Variants in DLG2 observed in about 807,000 individuals in gnomAD.
The protein encoded by DLG2 is disks large homolog 2.
DLG2 carries 45 observed loss-of-function variants against 132.5 expected under a neutral mutation model. That is an observed-to-expected ratio of 0.34 (90% CI 0.27 to 0.44). DLG2 has a LOEUF of 0.44. DLG2 is among the 20% of genes least tolerant of loss of function. The probability of loss-of-function intolerance (pLI) is 1.00; values close to 1 mark genes in which losing one functional copy is unlikely to be tolerated. For missense variants in DLG2, 1,045 were observed against 1,196.9 expected (o/e 0.87, Z 1.87); for synonymous variants, 424 against 419.6 (o/e 1.01, Z -0.13).
intron 18 of DLG2, among the ~76,000 whole-genome samples, chr11:83,691,780 G>A (rs1300566029): frequency 6.6e-6 from 1 of 152,132 alleles, no homozygotes; most frequent in Non-Finnish European, 1.5e-5. Context: ...CCACTCCTGG[G>A]TTGTAACGTG....
intron 14 of DLG2, among the ~76,000 whole-genome samples, chr11:83,931,755 C>A (rs573422328): frequency 6.6e-6 from 1 of 152,104 alleles, no homozygotes. Flanking sequence ...TCGTTTGATT[C>A]ACATATTTAA....
intron 9 of DLG2, among the ~76,000 whole-genome samples, chr11:84,159,602 T>A (rs1293934947): frequency 6.6e-6 from 1 of 152,140 alleles, no homozygotes; most frequent in Non-Finnish European, 1.5e-5. Context: ...GAGGAGCAGG[T>A]GTCACATTAC....
chr11:84,271,369 C>A (rs1428250003), intron 7 of DLG2, among the ~76,000 whole-genome samples: 1 of 151,980 alleles, frequency 6.6e-6, no homozygotes, highest in Non-Finnish European at 1.5e-5. Context: ...ACAGAGTAGC[C>A]CACGAATTAT....
chr11:83,558,906 C>G (rs1314641589), intron 19 of DLG2, among the ~76,000 whole-genome samples: 1 of 146,292 alleles, frequency 6.8e-6, no homozygotes, highest in African/African-American at 2.5e-5. Flanking sequence ...AAATCTGGCC[C>G]CCTCCATCAA....
chr11:85,620,684 T>C (rs1832760331), intron 2 of DLG2, among the ~76,000 whole-genome samples: 1 of 152,140 alleles, frequency 6.6e-6, no homozygotes, highest in Non-Finnish European at 1.5e-5. Context: ...CAAAGTCTAA[T>C]CCAGAGCAAG....
At chr11:84,585,019 A>G (rs2099526290) in intron 6 of DLG2, among the ~76,000 whole-genome samples, 1 of 152,104 alleles carries the variant, frequency 6.6e-6, no homozygotes, top group Admixed American at 6.5e-5. Flanking sequence ...TGAGTTCAAC[A>G]TCTTTCAATT....
In DLG2 at chr11:83,789,162, T is replaced by C. The variant is rs191169151; in HGVS notation, c.1723-2370A>G. Among the ~76,000 whole-genome samples the C allele has an allele frequency of 1.1e-3, 169 of 150,504 alleles. 1 individual carries two copies. The highest frequency in any genetic ancestry group is 4.0e-3 in the African/African-American group (164 of 40,904). ...GATATGTTGTAGATCTCCATTCCAT[T>C]ACCCAAGAGTATGCCAATTCATGAT... On this transcript the variant is annotated intron_variant, in intron 17 of 27. Transcript: ENST00000376104.
chr11:84,846,851 T>C (rs2081538031), intron 6 of DLG2, among the ~76,000 whole-genome samples: 1 of 152,160 alleles, frequency 6.6e-6, no homozygotes, highest in Non-Finnish European at 1.5e-5. Flanking sequence ...TTTAAAAATA[T>C]CCATGTATAA....
At chr11:84,050,813 AG>A (rs1238557993) in intron 11 of DLG2, among the ~76,000 whole-genome samples, 4 of 151,970 alleles carry the variant, frequency 2.6e-5, no homozygotes, top group Admixed American at 2.6e-4. Context: ...GGTTTGTCAA[AG>A]ATCAGATGGT....
At chr11:84,752,692 A>G (rs899661458) in intron 6 of DLG2, among the ~76,000 whole-genome samples, 24 of 143,388 alleles carry the variant, frequency 1.7e-4, no homozygotes, top group Non-Finnish European at 3.2e-4. Flanking sequence ...AGCATTAGGT[A>G]TATCTCCCAA....
intron 18 of DLG2, among the ~76,000 whole-genome samples, chr11:83,731,109 C>T (rs2090931626): frequency 6.6e-6 from 1 of 152,166 alleles, no homozygotes; most frequent in Non-Finnish European, 1.5e-5. Flanking sequence ...TATGTAATTT[C>T]CCTACCTCAG....
intron 9 of DLG2, among the ~76,000 whole-genome samples, chr11:84,101,089 C>G (rs1217906764): frequency 1.3e-5 from 2 of 152,090 alleles, no homozygotes; most frequent in Non-Finnish European, 2.9e-5. Flanking sequence ...TTATTAAACA[C>G]CACCTCTGTA....
chr11:83,728,993 T>A (rs1240785673), intron 18 of DLG2, among the ~76,000 whole-genome samples: 1 of 152,194 alleles, frequency 6.6e-6, no homozygotes, highest in East Asian at 1.9e-4. Flanking sequence ...AATGCAGGCA[T>A]GATTATAAGC....
chr11:85,108,123 G>T (rs1037900488), intron 6 of DLG2, among the ~76,000 whole-genome samples: 1 of 151,884 alleles, frequency 6.6e-6, no homozygotes, highest in African/African-American at 2.4e-5. Flanking sequence ...GGAGGAGCCA[G>T]AAATCAAATG....
chr11:84,893,745 T>G (rs1166319084), intron 6 of DLG2, among the ~76,000 whole-genome samples: 1 of 152,190 alleles, frequency 6.6e-6, no homozygotes, highest in Non-Finnish European at 1.5e-5. Flanking sequence ...ACATAAATGT[T>G]ATGAATGAAT....
intron 3 of DLG2, among the ~76,000 whole-genome samples, chr11:85,534,401 T>C (rs2075433756): frequency 1.3e-5 from 2 of 152,136 alleles, no homozygotes; most frequent in Non-Finnish European, 1.5e-5. Context: ...CCCGGGTATA[T>C]TGTGTGATGC....
intron 3 of DLG2, among the ~76,000 whole-genome samples, chr11:85,354,253 C>T (rs1022114465): frequency 2.0e-5 from 3 of 151,890 alleles, no homozygotes; most frequent in Admixed American, 6.6e-5. Context: ...CAAGACATAA[C>T]GTAAAAATTG....
At chr11:83,879,588 C>T (rs2065638563) in intron 15 of DLG2, among the ~76,000 whole-genome samples, 1 of 152,072 alleles carries the variant, frequency 6.6e-6, no homozygotes, top group Non-Finnish European at 1.5e-5. Flanking sequence ...TCTTGGATAT[C>T]CAATCAGTAC....
intron 4 of DLG2, among the ~76,000 whole-genome samples, chr11:85,257,319 G>A (rs1408728419): frequency 1.3e-5 from 2 of 152,168 alleles, no homozygotes; most frequent in African/African-American, 4.8e-5. Flanking sequence ...AATCTGTTCA[G>A]AATGCTGTGG....
Sources: allele counts gnomAD v4.1 joint callset (sites outside exome capture counted in the v4.1 genomes callset), GRCh38; gene constraint gnomAD v4.1.1; transcripts MANE v1.5; gene names NCBI Gene and HGNC (gene_info 2026-07-23, HGNC 2026-07-21).